Variants in CDK11B observed in about 807,000 individuals in gnomAD.
CDK11B encodes the protein cyclin-dependent kinase 11B.
A neutral mutation model predicts 84.0 loss-of-function variants in CDK11B; 37 were observed. The ratio of observed to expected loss-of-function variants is 0.44; its 90% CI spans 0.34 to 0.58. The LOEUF is 0.58. CDK11B is among the 20% of genes least tolerant of loss of function. CDK11B has a pLI of 0.02. For synonymous variants in CDK11B, 269 were observed against 309.8 expected, an observed-to-expected ratio of 0.87 and a Z score of 1.38; for missense variants, 427 against 834.0, an observed-to-expected ratio of 0.51 and a Z score of 6.01.
At position 1,637,837 on chromosome 1, in the gene CDK11B, C is replaced by T. The variant is rs1437406700; in HGVS notation, c.1389G>A (p.Glu463=). 1.9e-6 allele frequency: 3 copies of T among 1,613,536 alleles called. No homozygotes were observed. Among genetic ancestry groups the T allele is most frequent in the African/African-American group, 1.3e-5 (1 of 74,896 alleles). ...CCCTCAGCGACGTGATCGGGAAGCC[C>T]TCCTTCTCCTTCTCCATCTTCAGCC... ...LKRLKMEKEK[E]GFPITSLREI... Residue 463 remains glutamate, a synonymous_variant, in exon 13 of 20, where the codon GAG becomes GAA. Transcript: ENST00000341832.
chr1:1,647,841 G>A (rs1641373350), intron 5 of CDK11B, among the ~76,000 whole-genome samples: 1 of 152,174 alleles, frequency 6.6e-6, no homozygotes, highest in African/African-American at 2.4e-5. Context: ...TGCTCTAAAC[G>A]GAGTAACCCC....
At chr1:1,639,366 A>G (rs1474227446) in intron 11 of CDK11B, among the ~76,000 whole-genome samples, 1 of 151,652 alleles carries the variant, frequency 6.6e-6, no homozygotes, top group African/African-American at 2.4e-5. Context: ...CCAGTGAGCT[A>G]TGATTAAGCC....
At chr1:1,639,056 T>A (rs905078560) in intron 11 of CDK11B, among the ~76,000 whole-genome samples, 1 of 150,172 alleles carries the variant, frequency 6.7e-6, no homozygotes, top group African/African-American at 2.5e-5. Flanking sequence ...TTCTCCTGCC[T>A]CAGCCTCCCT....
intron 4 of CDK11B, among the ~76,000 whole-genome samples, chr1:1,651,224 AT>A (rs1641961577): frequency 6.6e-6 from 1 of 152,206 alleles, no homozygotes; most frequent in Non-Finnish European, 1.5e-5. Flanking sequence ...TTTTTCTCCT[AT>A]ACTTGTTGAA....
Position 1,640,270 on chromosome 1 carries a change from G to C in CDK11B, c.1251+7C>G, listed in dbSNP as rs1166395479. The C allele has an allele frequency of 1.2e-6, 2 of 1,613,192 alleles. No homozygotes were observed. Among genetic ancestry groups the C allele is most frequent in the South Asian group, 2.2e-5 (2 of 91,018 alleles). On this transcript the variant is annotated splice_region_variant and intron_variant, in intron 11 of 19. Transcript: ENST00000341832. The stretch of plus-strand genomic sequence containing the variant: ...GACAGTGGCCCGGGGCGAGGGGAGG[G>C]CCTGACCTGCAGGGCCGGCAGGTAC...
chr1:1,639,470 T>G (rs1190234136), intron 11 of CDK11B, among the ~76,000 whole-genome samples: 1 of 151,842 alleles, frequency 6.6e-6, no homozygotes, highest in Non-Finnish European at 1.5e-5. Flanking sequence ...TGTCCCCTGC[T>G]TGTACCAGGA....
chr1:1,656,437 G>C (rs1301030284), intron 2 of CDK11B, among the ~76,000 whole-genome samples: 1 of 151,994 alleles, frequency 6.6e-6, no homozygotes, highest in African/African-American at 2.4e-5. Context: ...GTGGCAGTTA[G>C]CTGAGATCAT....
intron 3 of CDK11B, among the ~76,000 whole-genome samples, chr1:1,654,863 T>C (rs1313115823): frequency 6.6e-5 from 10 of 150,514 alleles, no homozygotes; most frequent in South Asian, 2.1e-4. Context: ...TTTCACTGTG[T>C]TAGCCAGGAT....
intron 1 of CDK11B, among the ~76,000 whole-genome samples, chr1:1,658,325 CAA>C (rs1380468299): frequency 6.7e-6 from 1 of 148,150 alleles, no homozygotes; most frequent in African/African-American, 2.5e-5. Flanking sequence ...GCATGGGCGA[CAA>C]AAAAGAGTGA....
chr1:1,656,809 G>C (rs1167057572), intron 2 of CDK11B, among the ~76,000 whole-genome samples: 2 of 152,142 alleles, frequency 1.3e-5, no homozygotes, highest in East Asian at 3.9e-4. Flanking sequence ...ATGCAGAGTT[G>C]CTACAAACCT....
chr1:1,644,957 C>T (rs1404239567), intron 6 of CDK11B, among the ~76,000 whole-genome samples, 169 bp downstream of exon 6: 1 of 145,300 alleles, frequency 6.9e-6, no homozygotes. Flanking sequence ...CGCGCCACCG[C>T]ACTCCAGCCT....
chr1:1,637,312 G>A (rs1639502978), intron 14 of CDK11B, 96 bp downstream of exon 14: 1 of 1,567,612 alleles, frequency 6.4e-7, no homozygotes, highest in African/African-American at 1.4e-5. Context: ...TTTCCCTGTG[G>A]ATGCAGCTGG....
chr1:1,650,142 C>G (rs1371315457), intron 4 of CDK11B, among the ~76,000 whole-genome samples: 4 of 147,730 alleles, frequency 2.7e-5, no homozygotes, highest in African/African-American at 5.0e-5. Context: ...TGGTGGCGGG[C>G]ACCTGTAGTC....
chr1:1,636,750 C>A lies in CDK11B; in HGVS notation c.1849G>T (p.Glu617Ter). 1 of 1,613,910 alleles carries A rather than the reference C, an allele frequency of 6.2e-7. No homozygotes were observed. Among genetic ancestry groups the A allele is most frequent in the Non-Finnish European group, 8.5e-7 (1 of 1,179,870 alleles). ...DMWSVGCIFGELLTQKPLFPG... is the reference protein window; with the variant it reads ...DMWSVGCIFG ...AACAGAGGCTTCTGAGTCAGCAGCT[C>A]CCCGAAGATGCAACCCACTGACCAC... is the stretch of plus-strand genomic sequence containing the variant. The change falls in exon 17 of 20, where the codon GAG becomes TAG. Residue 617 changes from glutamate to a stop codon, truncating the protein, a stop_gained. Transcript: ENST00000341832. LOFTEE classifies it high-confidence loss of function.
chr1:1,646,991 T>C, intron 5 of CDK11B: 1 of 518,642 alleles, frequency 1.9e-6, no homozygotes, highest in South Asian at 1.4e-5. Flanking sequence ...TAGTTCAAAC[T>C]TCCTGTGCTC....
At chr1:1,649,983 T>A (rs1397384742) in intron 4 of CDK11B, among the ~76,000 whole-genome samples, 1 of 136,930 alleles carries the variant, frequency 7.3e-6, no homozygotes, top group Non-Finnish European at 1.6e-5. Flanking sequence ...CACGTGAAAC[T>A]GAAATTAAGA....
intron 4 of CDK11B, among the ~76,000 whole-genome samples, chr1:1,651,252 T>C (rs1476748822): frequency 1.3e-5 from 2 of 152,314 alleles, no homozygotes; most frequent in African/African-American, 4.8e-5. Flanking sequence ...TCATTTTAAA[T>C]GTAAACAAAC....
rs1639625680 is a variant in CDK11B, at chr1:1,637,901, A to G, written c.1343-18T>C. On this transcript the variant is annotated intron_variant, in intron 12 of 19. Transcript: ENST00000341832. The stretch of plus-strand genomic sequence containing the variant: ...AATTTCATCTGTGAAGAAAATACAG[A>G]CGGCACTGAGAGGCATTCTCAAAGT... 6.2e-7 allele frequency: 1 copy of G among 1,612,982 alleles called. No homozygotes were observed. Among genetic ancestry groups the G allele is most frequent in the South Asian group, 1.1e-5 (1 of 91,034 alleles).
intron 11 of CDK11B, 58 bp downstream of exon 11, chr1:1,640,219 C>T (rs1289511262): frequency 1.9e-6 from 3 of 1,594,786 alleles, no homozygotes; most frequent in Admixed American, 1.7e-5. Flanking sequence ...CGCTCAGCCC[C>T]TGTGGTAACT....
Sources: allele counts gnomAD v4.1 joint callset (sites outside exome capture counted in the v4.1 genomes callset), GRCh38; gene constraint gnomAD v4.1.1; transcripts MANE v1.5; gene names NCBI Gene and HGNC (gene_info 2026-07-23, HGNC 2026-07-21).